UBE2E2: variants seen among roughly 807,000 people sequenced by gnomAD.
UBE2E2 encodes ubiquitin conjugating enzyme E2 E2, also known as ubiquitin-conjugating enzyme E2 E2.
Under a neutral mutation model 24.7 loss-of-function variants are expected in UBE2E2, and 6 were observed. That is an observed-to-expected ratio of 0.24 (90% CI 0.13 to 0.48). The LOEUF (loss-of-function observed/expected upper bound fraction) is 0.48. Among genes scored for constraint, UBE2E2 ranks in the 20% least tolerant of loss-of-function variants. UBE2E2 has a pLI of 0.99. For missense variants in UBE2E2, 169 were observed against 245.0 expected, an observed-to-expected ratio of 0.69 and a Z score of 2.07; for synonymous variants, 104 against 83.6, an observed-to-expected ratio of 1.24 and a Z score of -1.33.
intron 4 of UBE2E2, among the ~76,000 whole-genome samples, chr3:23,520,344 T>C (rs1694834615): frequency 6.6e-6 from 1 of 152,222 alleles, no homozygotes. Context: ...GCGTGGCACA[T>C]AAACATGGCA....
chr3:23,239,670 G>A (rs769808175), intron 3 of UBE2E2, among the ~76,000 whole-genome samples: 1 of 152,170 alleles, frequency 6.6e-6, no homozygotes, highest in African/African-American at 2.4e-5. Context: ...GAAATAAGGG[G>A]GAGAGATGAG....
intron 3 of UBE2E2, among the ~76,000 whole-genome samples, chr3:23,287,263 G>C (rs1210135185): frequency 2.6e-5 from 4 of 152,128 alleles, no homozygotes; most frequent in Non-Finnish European, 5.9e-5. Flanking sequence ...GCATCCCTGG[G>C]ATAAATTCCA....
intron 5 of UBE2E2, among the ~76,000 whole-genome samples, chr3:23,580,505 G>A (rs1039528228): frequency 8.5e-5 from 13 of 152,160 alleles, no homozygotes; most frequent in African/African-American, 1.2e-4. Flanking sequence ...TATTGCACAC[G>A]TAATAGACTA....
At chr3:23,338,745 G>A (rs1695285425) in intron 3 of UBE2E2, among the ~76,000 whole-genome samples, 1 of 152,096 alleles carries the variant, frequency 6.6e-6, no homozygotes. Context: ...ATAATAATGG[G>A]CCATAACCCA....
At chr3:23,537,772 G>A (rs529151971) in intron 5 of UBE2E2, among the ~76,000 whole-genome samples, 1 of 151,956 alleles carries the variant, frequency 6.6e-6, no homozygotes, top group African/African-American at 2.4e-5. Context: ...CTTATCTTTG[G>A]ATTAGTTATG....
intron 5 of UBE2E2, among the ~76,000 whole-genome samples, chr3:23,543,107 A>G (rs1695431476): frequency 6.6e-6 from 1 of 152,178 alleles, no homozygotes; most frequent in Non-Finnish European, 1.5e-5. Context: ...TGAAGCCAGG[A>G]GTTCAAGACT....
chr3:23,267,483 C>T (rs1340305551), intron 3 of UBE2E2, among the ~76,000 whole-genome samples: 1 of 152,174 alleles, frequency 6.6e-6, no homozygotes, highest in African/African-American at 2.4e-5. Flanking sequence ...TCGACACATA[C>T]ACCATCCCAA....
At chr3:23,520,805 G>C (rs1200585549) in intron 4 of UBE2E2, among the ~76,000 whole-genome samples, 1 of 152,124 alleles carries the variant, frequency 6.6e-6, no homozygotes, top group Non-Finnish European at 1.5e-5. Context: ...ACCATGCCTG[G>C]ATAGTTTTTT....
chr3:23,224,001 C>T (rs553787046), intron 3 of UBE2E2, among the ~76,000 whole-genome samples: 1 of 152,184 alleles, frequency 6.6e-6, no homozygotes, highest in African/African-American at 2.4e-5. Flanking sequence ...TTTCACTGAT[C>T]CATGTGTCTG....
chr3:23,332,453 T>C (rs1695082011), intron 3 of UBE2E2, among the ~76,000 whole-genome samples: 1 of 152,094 alleles, frequency 6.6e-6, no homozygotes, highest in Non-Finnish European at 1.5e-5. Context: ...GAAAAACAAA[T>C]GCATACATGG....
At position 23,224,562 on chromosome 3, in the gene UBE2E2, A is replaced by G. The variant is rs116371463; in HGVS notation, c.227+7250A>G. ...GTTCTAACAGCTTTTTTTTTTTGGT[A>G]GAGTCTTTAGGTTTTAACATCACGT... On this transcript the variant is annotated intron_variant, in intron 3 of 5. Transcript: ENST00000396703. Among the ~76,000 whole-genome samples the G allele has an allele frequency of 8.0e-3, 1,191 of 148,794 alleles. 12 individuals carry two copies. The highest frequency in any genetic ancestry group is 0.022 in the African/African-American group (876 of 40,418).
chr3:23,291,683 CTTTTTT>C (rs11308326), intron 3 of UBE2E2, among the ~76,000 whole-genome samples: 1 of 95,038 alleles, frequency 1.1e-5, no homozygotes, highest in Non-Finnish European at 2.0e-5. Context: ...ATTTAAGGGG[CTTTTTT>C]TTTTTTTTTT....
intron 3 of UBE2E2, among the ~76,000 whole-genome samples, chr3:23,302,005 G>T (rs2125264395): frequency 6.6e-6 from 1 of 152,210 alleles, no homozygotes; most frequent in Non-Finnish European, 1.5e-5. Flanking sequence ...CAGACTTGTG[G>T]AAAATTGCTG....
chr3:23,474,670 G>T lies in UBE2E2; in HGVS notation c.228-24938G>T, dbSNP rs1254000381. ...TGGCAGTCTAGAATAAAACTATGCT[G>T]TTTCCACTTATGTGGTAATAATGCG... On this transcript the variant is annotated intron_variant, in intron 3 of 5. Transcript: ENST00000396703. The surrounding 1 kb of genome is among the most constrained non-coding windows in gnomAD (Gnocchi z 4.0). Among the ~76,000 whole-genome samples, 1 of 152,054 alleles carries T rather than the reference G, an allele frequency of 6.6e-6. No individual in the cohort carries two copies. The highest frequency in any genetic ancestry group is 1.5e-5 in the Non-Finnish European group (1 of 68,032).
chr3:23,575,362 A>G (rs1392522329), intron 5 of UBE2E2, among the ~76,000 whole-genome samples: 1 of 152,206 alleles, frequency 6.6e-6, no homozygotes, highest in Non-Finnish European at 1.5e-5. Context: ...ATGACATTGA[A>G]TGAGGCATTT....
At chr3:23,505,887 A>G (rs983958076) in intron 4 of UBE2E2, among the ~76,000 whole-genome samples, 3 of 152,246 alleles carry the variant, frequency 2.0e-5, no homozygotes, top group South Asian at 2.1e-4. Context: ...TTGACAGGTC[A>G]TGGCTACTCA....
intron 3 of UBE2E2, among the ~76,000 whole-genome samples, chr3:23,347,652 T>G (rs1405383019): frequency 6.6e-6 from 1 of 152,132 alleles, no homozygotes; most frequent in Non-Finnish European, 1.5e-5. Flanking sequence ...TGTATACCTA[T>G]GTAACAAACC....
chr3:23,283,224 T>TC (rs974490457), intron 3 of UBE2E2, among the ~76,000 whole-genome samples: 3 of 152,132 alleles, frequency 2.0e-5, no homozygotes, highest in African/African-American at 4.8e-5. Flanking sequence ...TTTTTTTTTT[T>TC]CATGTAGAAA....
chr3:23,384,799 C>T (rs1428031403), intron 3 of UBE2E2, among the ~76,000 whole-genome samples: 1 of 152,180 alleles, frequency 6.6e-6, no homozygotes, highest in East Asian at 1.9e-4. Flanking sequence ...CCTCGGCGTC[C>T]AAAAGTGCTG....
Sources: allele counts gnomAD v4.1 joint callset (sites outside exome capture counted in the v4.1 genomes callset), GRCh38; gene constraint gnomAD v4.1.1; non-coding constraint Gnocchi (gnomAD v3.1); transcripts MANE v1.5; gene names NCBI Gene and HGNC (gene_info 2026-07-23, HGNC 2026-07-21).